SMG5: variants seen among roughly 807,000 people sequenced by gnomAD.
The protein encoded by SMG5 is nonsense-mediated mRNA decay factor SMG5.
SMG5 carries 53 observed loss-of-function variants against 122.9 expected under a neutral mutation model. The observed-to-expected ratio is 0.43, with a 90% CI of 0.35 to 0.54. The LOEUF (loss-of-function observed/expected upper bound fraction) is 0.54. Among genes scored for constraint, SMG5 ranks in the 20% least tolerant of loss-of-function variants. The pLI, the probability that SMG5 is intolerant of heterozygous loss-of-function variation, is 0.01. For missense variants in SMG5, 1,153 were observed against 1,285.6 expected, an observed-to-expected ratio of 0.90 and a Z score of 1.58; for synonymous variants, 477 against 490.2, an observed-to-expected ratio of 0.97 and a Z score of 0.35.
chr1:156,267,953 C>A lies in SMG5; in HGVS notation c.908+162G>T, dbSNP rs148632892. On this transcript the variant is annotated intron_variant, in intron 9 of 21. Coordinates refer to ENST00000361813, the MANE Select transcript of SMG5 (RefSeq NM_015327.3). ...TGCTGGGAGGAGGATGGGCATAGGA[C>A]CCTTGGGAGAAACAGTGAGGAATGC... Among the ~76,000 whole-genome samples the A allele has an allele frequency of 8.6e-3, 1,311 of 152,192 alleles. 23 individuals carry two copies. Among genetic ancestry groups the A allele is most frequent in the African/African-American group, 0.03 (1,264 of 41,508 alleles).
Position 156,278,908 on chromosome 1 carries a change from G to A in SMG5, c.173+28C>T, listed in dbSNP as rs1215366383. The A allele has an allele frequency of 1.9e-6, 3 of 1,569,682 alleles. No individual in the cohort carries two copies. In the Admixed American group the frequency reaches 5.0e-5, roughly 26 times the overall value. ...TAGAGATAGGCAGGGAAACAGTAAGGATCTGTGGTTTAGAGTCTCTAGCTT... is the reference window on the plus strand; with the variant it reads ...TAGAGATAGGCAGGGAAACAGTAAGAATCTGTGGTTTAGAGTCTCTAGCTT... On this transcript the variant is annotated intron_variant, in intron 2 of 21. Transcript: ENST00000361813.
intron 2 of SMG5, 103 bp from the exon 3 acceptor site, chr1:156,278,151 C>T (rs887194608): frequency 6.9e-7 from 1 of 1,449,970 alleles, no homozygotes; most frequent in African/African-American, 1.4e-5. Context: ...ACCAACAAAT[C>T]TCGGTGCTTC....
intron 1 of SMG5, among the ~76,000 whole-genome samples, chr1:156,279,949 C>T (rs766698287): frequency 1.3e-5 from 2 of 152,180 alleles, no homozygotes; most frequent in African/African-American, 2.4e-5. Context: ...AACTTCCTTA[C>T]GTCTCACTTC....
At chr1:156,272,502 G>T in intron 6 of SMG5, 104 bp from the exon 7 acceptor site, 4 of 872,724 alleles carry the variant, frequency 4.6e-6, no homozygotes, top group Non-Finnish European at 7.4e-6. Context: ...GAGAACAGCT[G>T]GGTCTGCAGG....
chr1:156,271,996 A>G (rs192444365), intron 7 of SMG5, among the ~76,000 whole-genome samples: 331 of 152,290 alleles, frequency 2.2e-3, no homozygotes, highest in Admixed American at 6.7e-3. Flanking sequence ...CACACTCCAG[A>G]ATTCTCATGC....
At chr1:156,251,328 C>T (rs1313053484) in intron 20 of SMG5, 75 bp downstream of exon 20, 13 of 1,529,142 alleles carry the variant, frequency 8.5e-6, no homozygotes, top group Non-Finnish European at 1.0e-5. Context: ...CAGCCCTACC[C>T]GTTCTCCCTA....
At chr1:156,259,537 A>G (rs532973857) in intron 15 of SMG5, among the ~76,000 whole-genome samples, 1 of 152,144 alleles carries the variant, frequency 6.6e-6, no homozygotes, top group East Asian at 1.9e-4. Flanking sequence ...TTTCCAATGT[A>G]TTATTTTTTT....
In SMG5 at chr1:156,266,385, G is replaced by A. The variant is rs201672474; in HGVS notation, c.1256-5C>T. 27 of 1,608,870 alleles carry A rather than the reference G, an allele frequency of 1.7e-5. No individual in the cohort carries two copies. The highest frequency in any genetic ancestry group is 5.0e-5 in the Admixed American group (3 of 59,764). On this transcript the variant is annotated splice_region_variant and splice_polypyrimidine_tract_variant and intron_variant, in intron 11 of 21. Coordinates refer to ENST00000361813, the MANE Select transcript of SMG5 (RefSeq NM_015327.3). ...GTTCCTTGGACTCTGGTTCATCTGC[G>A]GAAAGAGGAAGGTCAGGTGGAGCCC...
At chr1:156,261,504 T>C (rs918451257) in intron 13 of SMG5, 96 bp from the exon 14 acceptor site, 7 of 962,140 alleles carry the variant, frequency 7.3e-6, no homozygotes, top group Non-Finnish European at 9.9e-6. Context: ...ATCTGGCCTA[T>C]GTTCAGAGGC....
Position 156,250,409 on chromosome 1 carries a change from A to AC in SMG5, c.*177dup. ...TTCCTAACGTCTTGGCAACAAAGGG[A>AC]CCCCACCCTCCCAGCCGGCTCCTGG... On this transcript the variant is annotated 3_prime_UTR_variant, in exon 22 of 22. Transcript: ENST00000361813. 1 of 642,930 alleles carries AC rather than the reference A, an allele frequency of 1.6e-6. No homozygotes were observed. The highest frequency in any genetic ancestry group is 2.8e-6 in the Non-Finnish European group (1 of 359,390). The allele number at this position is 642,930 out of a possible 1,614,324, so 39.8% of individuals were successfully genotyped here. A position where few individuals can be genotyped will look rare whatever the true frequency, so the allele number is the denominator to read the frequency against.
chr1:156,285,994 G>C, upstream of SMG5: 1 of 1,591,092 alleles, frequency 6.3e-7, no homozygotes, highest in Non-Finnish European at 8.6e-7. Context: ...GTGAGCCTGT[G>C]AGAAGAAAGG....
chr1:156,252,792 T>G (rs1249146942), intron 18 of SMG5, 127 bp downstream of exon 18: 11 of 1,023,926 alleles, frequency 1.1e-5, no homozygotes, highest in Non-Finnish European at 1.5e-5. Flanking sequence ...AGTGACGGGT[T>G]CACAAAGGTA....
chr1:156,253,533 A>G (rs372346795), intron 16 of SMG5, 25 bp from the exon 17 acceptor site: 501 of 1,612,850 alleles, frequency 3.1e-4, no homozygotes, highest in Non-Finnish European at 4.1e-4. Flanking sequence ...ATGAGCTGTA[A>G]GGAGTTGGGG....
At chr1:156,261,498 G>T in intron 13 of SMG5, 90 bp from the exon 14 acceptor site, 1 of 1,095,264 alleles carries the variant, frequency 9.1e-7, no homozygotes, top group Non-Finnish European at 1.4e-6. Flanking sequence ...TGAGGGATCT[G>T]GCCTATGTTC....
chr1:156,273,197 A>C (rs1662512220), intron 6 of SMG5, among the ~76,000 whole-genome samples, 164 bp downstream of exon 6: 1 of 152,030 alleles, frequency 6.6e-6, no homozygotes. Flanking sequence ...CCATTTTCTG[A>C]GTGTGTTACA....
rs1661808429 is a variant in SMG5, at chr1:156,261,207, A to G, written c.2107+126T>C. 4 of 864,046 alleles carry G rather than the reference A, an allele frequency of 4.6e-6. No homozygotes were observed. In the East Asian group the frequency reaches 9.7e-5, roughly 21 times the overall value. 53.5% of individuals were successfully genotyped at this position (864,046 alleles called of 1,614,324 possible). Reference sequence around the variant, plus strand: ...GACCACACAATGACTGCTGTGTGCTAGGGAGGCTGGCAGTGAATCCCATTA... The same window carrying G: ...GACCACACAATGACTGCTGTGTGCTGGGGAGGCTGGCAGTGAATCCCATTA... On this transcript the variant is annotated intron_variant, in intron 14 of 21. Transcript: ENST00000361813.
intron 16 of SMG5, among the ~76,000 whole-genome samples, chr1:156,253,937 G>A (rs1287530283): frequency 5.3e-5 from 8 of 152,092 alleles, no homozygotes; most frequent in Non-Finnish European, 1.0e-4. Context: ...TGACCATCCT[G>A]AGCTCCAGAC....
intron 3 of SMG5, among the ~76,000 whole-genome samples, chr1:156,277,640 G>A (rs1250666853): frequency 6.6e-6 from 1 of 151,544 alleles, no homozygotes; most frequent in Non-Finnish European, 1.5e-5. Context: ...AGCCTCCCGA[G>A]TAGCTGGGAT....
chr1:156,279,739 T>C (rs868193162), intron 1 of SMG5, among the ~76,000 whole-genome samples: 1 of 152,156 alleles, frequency 6.6e-6, no homozygotes, highest in African/African-American at 2.4e-5. Context: ...AATTCTACTA[T>C]GGAATTGTGG....
Sources: allele counts gnomAD v4.1 joint callset (sites outside exome capture counted in the v4.1 genomes callset), GRCh38; gene constraint gnomAD v4.1.1; transcripts MANE v1.5; gene names NCBI Gene and HGNC (gene_info 2026-07-23, HGNC 2026-07-21).